KIF13A: variants seen among roughly 807,000 people sequenced by gnomAD.
KIF13A encodes kinesin family member 13A, also known as kinesin-like protein KIF13A.
In KIF13A, 79 loss-of-function variants were observed where a neutral mutation model predicts 212.2. The ratio of observed to expected loss-of-function variants is 0.37; its 90% CI spans 0.31 to 0.45. The LOEUF (loss-of-function observed/expected upper bound fraction) is 0.45, where lower values mean the gene tolerates loss of function less well. Among genes scored for constraint, KIF13A ranks in the 20% least tolerant of loss-of-function variants. The pLI is 1.00. For missense variants in KIF13A, 1,901 were observed against 2,209.0 expected, an observed-to-expected ratio of 0.86 and a Z score of 2.79; for synonymous variants, 789 against 808.6, an observed-to-expected ratio of 0.98 and a Z score of 0.41.
In KIF13A at chr6:17,826,245, AGAAG is replaced by A; in HGVS notation, c.1533-125_1533-122del. The A allele has an allele frequency of 1.4e-6, 1 of 701,888 alleles. No homozygotes were observed. The highest frequency in any genetic ancestry group is 1.8e-5 in the African/African-American group (1 of 55,938). 43.5% of individuals were successfully genotyped at this position (701,888 alleles called of 1,614,324 possible). A position where few individuals can be genotyped will look rare whatever the true frequency, so the allele number is the denominator to read the frequency against. The stretch of plus-strand genomic sequence containing the variant: ...TAAATGCATTCCAACTAACGCTTAA[AGAAG>A]GAAGAGCAGAATGTGTAACCACTAT... On this transcript the variant is annotated intron_variant, in intron 14 of 38. Transcript: ENST00000259711. The surrounding 1 kb of genome is among the most constrained non-coding windows in gnomAD (Gnocchi z 4.7).
intron 38 of KIF13A, among the ~76,000 whole-genome samples, chr6:17,766,655 A>C (rs1217371032): frequency 6.6e-6 from 1 of 152,120 alleles, no homozygotes; most frequent in Non-Finnish European, 1.5e-5. Context: ...CCTGGGCTCA[A>C]GCAATCCTCC....
At chr6:17,804,781 C>A (rs1461319636) in intron 19 of KIF13A, among the ~76,000 whole-genome samples, 1 of 120,618 alleles carries the variant, frequency 8.3e-6, no homozygotes, top group Non-Finnish European at 1.6e-5. Flanking sequence ...CCACTCCAGC[C>A]TGAGTGACAG....
At chr6:17,817,762 GAA>G (rs1476442015) in intron 16 of KIF13A, among the ~76,000 whole-genome samples, 1 of 152,170 alleles carries the variant, frequency 6.6e-6, no homozygotes, top group Non-Finnish European at 1.5e-5. Context: ...GCACATGTTT[GAA>G]AATATTGCTT....
chr6:17,782,668 T>C (rs1760710437), intron 29 of KIF13A, among the ~76,000 whole-genome samples: 1 of 111,348 alleles, frequency 9.0e-6, no homozygotes, highest in South Asian at 3.5e-4. Flanking sequence ...ACAAAACAAA[T>C]CTTAGAATTT....
At position 17,828,147 on chromosome 6, in the gene KIF13A, TTAATA is replaced by T. The variant is rs1394653984; in HGVS notation, c.1532+88_1532+92del. The T allele has an allele frequency of 1.5e-6, 2 of 1,341,812 alleles. No individual in the cohort carries two copies. The highest frequency in any genetic ancestry group is 2.0e-6 in the Non-Finnish European group (2 of 985,462). The allele number at this position is 1,341,812 out of a possible 1,614,324, so 83.1% of individuals were successfully genotyped here. A position where few individuals can be genotyped will look rare whatever the true frequency, so the allele number is the denominator to read the frequency against. On this transcript the variant is annotated intron_variant, in intron 14 of 38. Coordinates refer to ENST00000259711, the MANE Select transcript of KIF13A (RefSeq NM_022113.6). The surrounding 1 kb of genome is among the most constrained non-coding windows in gnomAD (Gnocchi z 4.3). ...TGAGGACCCCCATGTATCCTTAACT[TTAATA>T]TAGCTGAAAGCAAACAGAAAGAGGC...
chr6:17,911,005 C>A (rs1774011409), intron 2 of KIF13A, among the ~76,000 whole-genome samples: 1 of 152,086 alleles, frequency 6.6e-6, no homozygotes, highest in South Asian at 2.1e-4. Flanking sequence ...CCTCATGATC[C>A]GCCCGCCTCA....
chr6:17,764,670 A>G lies in KIF13A; in HGVS notation c.4858T>C (p.Ser1620Pro). 1 of 1,613,708 alleles carries G rather than the reference A, an allele frequency of 6.2e-7. No homozygotes were observed. Among genetic ancestry groups the G allele is most frequent in the Non-Finnish European group, 8.5e-7 (1 of 1,179,800 alleles). ...TTCGTCTGAATGGCCAGCTGGTCTG[A>G]GCTGTCACTAGAAGGGACCACCATG... ...SDMVVPSSDS[S>P]DQLAIQTKDA... is the part of the protein sequence containing the mutation. The change falls in exon 39 of 39, where the codon TCA becomes CCA. Residue 1620 changes from serine (S) to proline (P), a missense_variant. By Grantham distance (74) the Ser-to-Pro change is moderately conservative. Coordinates refer to ENST00000259711, the MANE Select transcript of KIF13A (RefSeq NM_022113.6). The surrounding 1 kb of genome is among the most constrained non-coding windows in gnomAD (Gnocchi z 5.1).
At chr6:17,778,219 G>A (rs1463719578) in intron 33 of KIF13A, among the ~76,000 whole-genome samples, 1 of 152,206 alleles carries the variant, frequency 6.6e-6, no homozygotes, top group East Asian at 1.9e-4. Flanking sequence ...TTTTATACAG[G>A]TGGACAGAGA....
At chr6:17,862,875 G>A (rs558000503) in intron 4 of KIF13A, among the ~76,000 whole-genome samples, 234 of 152,342 alleles carry the variant, frequency 1.5e-3, no homozygotes, top group Non-Finnish European at 2.5e-3. Context: ...GTGAACCCGG[G>A]AGGTGGATGT....
At chr6:17,986,233 CATT>C (rs1232685176) in intron 2 of KIF13A, among the ~76,000 whole-genome samples, 1 of 152,210 alleles carries the variant, frequency 6.6e-6, no homozygotes, top group Non-Finnish European at 1.5e-5. Context: ...CAAGCTACTG[CATT>C]ATTATATTGA....
In KIF13A at chr6:17,836,935, C is replaced by T; in HGVS notation, c.1098G>A (p.Val366=). Residue 366 remains valine (V), a synonymous_variant, in exon 11 of 39, where the codon GTG becomes GTA. Transcript: ENST00000259711. ...CGACTTCCTCCCGCAGTTCTCGGAT[C>T]ACTTTTGCGTTGGGGTCCTCATTCA... The part of the protein sequence containing the change: ...AVVNEDPNAK[V]IRELREEVEK... The T allele has an allele frequency of 6.2e-7, 1 of 1,613,928 alleles. No homozygotes were observed. Among genetic ancestry groups the T allele is most frequent in the Non-Finnish European group, 8.5e-7 (1 of 1,179,884 alleles).
chr6:17,887,464 G>A (rs146499483), intron 3 of KIF13A, among the ~76,000 whole-genome samples: 35 of 152,084 alleles, frequency 2.3e-4, no homozygotes, highest in African/African-American at 7.5e-4. Context: ...TCTTGCAGCC[G>A]TATGAATTTC....
intron 2 of KIF13A, among the ~76,000 whole-genome samples, chr6:17,985,632 C>CCGGGGGGG (rs112580662): frequency 7.6e-4 from 29 of 38,162 alleles, no homozygotes; most frequent in South Asian, 2.3e-3. Flanking sequence ...ATGCAGTTTG[C>CCGGGGGGG]GGGGGGGTGG....
At chr6:17,793,440 CGATCAATTCTTA>C (rs1244869293) in intron 25 of KIF13A, among the ~76,000 whole-genome samples, 1 of 151,880 alleles carries the variant, frequency 6.6e-6, no homozygotes, top group Non-Finnish European at 1.5e-5. Context: ...ACTGATAATA[CGATCAATTCTTA>C]GATCAATTCT....
intron 4 of KIF13A, chr6:17,873,160 A>C (rs941209907): frequency 3.8e-5 from 18 of 477,454 alleles, no homozygotes; most frequent in Non-Finnish European, 5.2e-5. Flanking sequence ...GAACAATTTG[A>C]AGCTTAATAA....
rs1263057993 is a variant in KIF13A, at chr6:17,781,309, C to T, written c.3545-8G>A. On this transcript the variant is annotated splice_polypyrimidine_tract_variant and splice_region_variant and intron_variant, in intron 29 of 38. Coordinates refer to ENST00000259711, the MANE Select transcript of KIF13A (RefSeq NM_022113.6). ...TGGCACTGAGGTCATCCGCTAACCA[C>T]ATCAGGAGCACAGAAAAAACAGTAG... The T allele has an allele frequency of 3.8e-6, 6 of 1,562,528 alleles. No individual in the cohort carries two copies. Among genetic ancestry groups the T allele is most frequent in the Non-Finnish European group, 5.2e-6 (6 of 1,159,812 alleles).
At chr6:17,920,664 C>T (rs1196693869) in intron 2 of KIF13A, among the ~76,000 whole-genome samples, 3 of 151,790 alleles carry the variant, frequency 2.0e-5, no homozygotes, top group African/African-American at 4.8e-5. Context: ...ACCTGAGGTC[C>T]GGAGTTCGAG....
chr6:17,898,171 G>A lies in KIF13A; in HGVS notation c.156C>T (p.Pro52=). 6.2e-7 allele frequency: 1 copy of A among 1,612,812 alleles called. No homozygotes were observed. Among genetic ancestry groups the A allele is most frequent in the Non-Finnish European group, 8.5e-7 (1 of 1,179,354 alleles). The part of the protein sequence containing the change: ...SNTKQGERKP[P]KVFAFDYCFW... The stretch of plus-strand genomic sequence containing the variant: ...CAAATTTCATATTAGTGCTTACCTT[G>A]GGAGGTTTCCTTAATGATGGGAAAA... Residue 52 remains proline (P), a synonymous_variant, in exon 3 of 39, where the codon CCC becomes CCT. Coordinates refer to ENST00000259711, the MANE Select transcript of KIF13A (RefSeq NM_022113.6). The surrounding 1 kb of genome is among the most constrained non-coding windows in gnomAD (Gnocchi z 5.2).
rs905814904 is a variant in KIF13A at position 17,962,386 on chromosome 6, G to C, written c.146+24668C>G. Among the ~76,000 whole-genome samples the C allele has an allele frequency of 5.9e-5, 9 of 152,250 alleles. 2 individuals are homozygous for C. The highest frequency in any genetic ancestry group is 5.9e-4 in the Admixed American group (9 of 15,290). The stretch of plus-strand genomic sequence containing the variant: ...AATGTCCATAAAAGGTCAAGCTTTT[G>C]CTGCAAAGGCTGAGGAGAAGAAGCA... On this transcript the variant is annotated intron_variant, in intron 2 of 38. Coordinates refer to ENST00000259711, the MANE Select transcript of KIF13A (RefSeq NM_022113.6).
Sources: allele counts gnomAD v4.1 joint callset (sites outside exome capture counted in the v4.1 genomes callset), GRCh38; gene constraint gnomAD v4.1.1; non-coding constraint Gnocchi (gnomAD v3.1); transcripts MANE v1.5; gene names NCBI Gene and HGNC (gene_info 2026-07-23, HGNC 2026-07-21).